CCDC73: variants seen among roughly 807,000 people sequenced by gnomAD.
CCDC73 encodes the protein coiled-coil domain-containing protein 73.
CCDC73 carries 95 observed loss-of-function variants against 116.5 expected under a neutral mutation model. The observed-to-expected ratio is 0.82, with a 90% CI of 0.69 to 0.97. The LOEUF (loss-of-function observed/expected upper bound fraction) is 0.97, where lower values mean the gene tolerates loss of function less well. Among genes scored for constraint, CCDC73 ranks in the 50% least tolerant of loss-of-function variants. The probability of loss-of-function intolerance (pLI) is 0.00; values close to 1 mark genes in which losing one functional copy is unlikely to be tolerated. For synonymous variants in CCDC73, 398 were observed against 401.3 expected (o/e 0.99, Z 0.10); for missense variants, 1,066 against 1,206.8 (o/e 0.88, Z 1.73).
intron 1 of CCDC73, among the ~76,000 whole-genome samples, chr11:32,770,545 A>G (rs116289114): frequency 0.014 from 2,063 of 152,292 alleles, 40 homozygotes; most frequent in African/African-American, 0.048. Flanking sequence ...CTATGAAAAA[A>G]ATTCCACAAT....
chr11:32,645,914 T>C (rs1461810115), intron 12 of CCDC73, among the ~76,000 whole-genome samples: 1 of 152,204 alleles, frequency 6.6e-6, no homozygotes, highest in East Asian at 1.9e-4. Flanking sequence ...GGTGCATAAC[T>C]ATAAAACAGA....
chr11:32,797,285 C>G (rs1478805527), upstream of CCDC73, among the ~76,000 whole-genome samples: 1 of 152,136 alleles, frequency 6.6e-6, no homozygotes, highest in Admixed American at 6.6e-5. Context: ...GCACTCCAGC[C>G]AGGGTGACAG....
At chr11:32,678,882 C>CA (rs55859897) in intron 7 of CCDC73, among the ~76,000 whole-genome samples, 1,395 of 131,236 alleles carry the variant, frequency 0.011, 21 homozygotes, top group African/African-American at 0.03. Context: ...GGCTCCGTCA[C>CA]AAAAAAAAAA....
chr11:32,634,661 G>A (rs1855662191), intron 14 of CCDC73, among the ~76,000 whole-genome samples: 1 of 152,178 alleles, frequency 6.6e-6, no homozygotes, highest in Non-Finnish European at 1.5e-5. Context: ...CCTAGCTAGT[G>A]CATAAATTGA....
At chr11:32,789,260 G>C (rs563463719) in intron 1 of CCDC73, among the ~76,000 whole-genome samples, 1 of 152,140 alleles carries the variant, frequency 6.6e-6, no homozygotes, top group Non-Finnish European at 1.5e-5. Context: ...AAGGTGAAAG[G>C]GCCACAGTAC....
At chr11:32,637,571 A>C (rs533862329) in intron 13 of CCDC73, among the ~76,000 whole-genome samples, 2 of 151,456 alleles carry the variant, frequency 1.3e-5, no homozygotes, top group Non-Finnish European at 2.9e-5. Context: ...TACCTGTCTT[A>C]CCAGCTCCCT....
Position 32,700,783 on chromosome 11 carries a change from A to G in CCDC73, c.315+8T>C. 7.3e-7 allele frequency: 1 copy of G among 1,379,236 alleles called. No homozygotes were observed. The highest frequency in any genetic ancestry group is 9.8e-7 in the Non-Finnish European group (1 of 1,017,590). 85.4% of individuals were successfully genotyped at this position (1,379,236 alleles called of 1,614,324 possible). ...ATAGACAGAAAATTTTAAAAAAATT[A>G]TAAATACCTTTTCTTCTTCCAGGGC... On this transcript the variant is annotated splice_region_variant and intron_variant, in intron 5 of 17. Transcript: ENST00000335185.
intron 10 of CCDC73, among the ~76,000 whole-genome samples, 173 bp from the exon 11 acceptor site, chr11:32,654,210 A>G (rs369381764): frequency 5.7e-4 from 86 of 152,200 alleles, no homozygotes; most frequent in Middle Eastern, 6.8e-3. Context: ...GTCTCGCTCT[A>G]TCACCCAGTC....
At chr11:32,667,516 G>C (rs142294575) in intron 9 of CCDC73, among the ~76,000 whole-genome samples, 47 of 152,106 alleles carry the variant, frequency 3.1e-4, no homozygotes, top group African/African-American at 1.0e-3. Flanking sequence ...TTGGAAAAGC[G>C]CAGTATTAGG....
At chr11:32,636,198 TA>T (rs1278422419) in intron 13 of CCDC73, among the ~76,000 whole-genome samples, 2 of 152,132 alleles carry the variant, frequency 1.3e-5, no homozygotes, top group Admixed American at 6.5e-5. Context: ...TCTTGTCTCA[TA>T]AAAAAATTTA....
intron 7 of CCDC73, among the ~76,000 whole-genome samples, chr11:32,678,448 T>G (rs1354403850): frequency 6.6e-6 from 1 of 152,186 alleles, no homozygotes; most frequent in Non-Finnish European, 1.5e-5. Context: ...ATAAGGTTGC[T>G]GTGAGGATAA....
intron 9 of CCDC73, among the ~76,000 whole-genome samples, chr11:32,669,360 TA>T (rs1856016023): frequency 6.6e-6 from 1 of 152,160 alleles, no homozygotes. Context: ...TGTATATATT[TA>T]TGGGGTATAT....
At chr11:32,731,007 G>A (rs915429730) in intron 2 of CCDC73, among the ~76,000 whole-genome samples, 1 of 152,182 alleles carries the variant, frequency 6.6e-6, no homozygotes, top group African/African-American at 2.4e-5. Context: ...AAGGGTTTGG[G>A]GAATTCCCCT....
In CCDC73 at chr11:32,622,876, G is replaced by A. The variant is rs564639412; in HGVS notation, c.1186-6747C>T. Among the ~76,000 whole-genome samples, 4 of 151,516 alleles carry A rather than the reference G, an allele frequency of 2.6e-5. No homozygotes were observed. The East Asian group carries it at 5.8e-4, about 22-fold the overall frequency. On this transcript the variant is annotated intron_variant, in intron 14 of 17. Coordinates refer to ENST00000335185, the MANE Select transcript of CCDC73 (RefSeq NM_001008391.4). ...GGTAAAGAAAAAAAATCAGATGAAC[G>A]AAATATAATAGAAGAAAAGGAAAAG...
chr11:32,819,887 T>A, the CCDC73 span, among the ~76,000 whole-genome samples: 5 of 152,210 alleles, frequency 3.3e-5, no homozygotes, highest in African/African-American at 1.2e-4. Flanking sequence ...GAAGTTCATT[T>A]GATAACCTGT....
chr11:32,764,925 C>G (rs1248952511), intron 1 of CCDC73, among the ~76,000 whole-genome samples: 1 of 151,930 alleles, frequency 6.6e-6, no homozygotes, highest in Non-Finnish European at 1.5e-5. Context: ...GAAGATCTAC[C>G]AAGCAAATGG....
At chr11:32,643,798 T>C (rs1446956613) in intron 12 of CCDC73, among the ~76,000 whole-genome samples, 5 of 152,156 alleles carry the variant, frequency 3.3e-5, no homozygotes, top group Non-Finnish European at 4.4e-5. Context: ...ATAAATGCTG[T>C]ATACTTAGGC....
Position 32,675,905 on chromosome 11 carries a change from A to G in CCDC73, c.546T>C (p.His182=), listed in dbSNP as rs779018333. 4.4e-6 allele frequency: 7 copies of G among 1,600,628 alleles called. No homozygotes were observed. In the South Asian group the frequency reaches 4.5e-5, roughly 10 times the overall value. ...TGQFGLVKEN[H]EKLEQNVREA... is the part of the protein sequence containing the mutation. ...ACATACCATTTTGTTCTAACTTTTC[A>G]TGATTCTCTTTTACCAATCCAAATT... Residue 182 remains histidine, a synonymous_variant, in exon 8 of 18, where the codon CAT becomes CAC. Coordinates refer to ENST00000335185, the MANE Select transcript of CCDC73 (RefSeq NM_001008391.4).
At chr11:32,672,068 A>G (rs1242931701) in intron 9 of CCDC73, among the ~76,000 whole-genome samples, 2 of 152,204 alleles carry the variant, frequency 1.3e-5, no homozygotes, top group African/African-American at 4.8e-5. Flanking sequence ...TATAATAGGC[A>G]GGCCAGGCAT....
Sources: gnomAD v4.1 joint callset for allele counts (sites outside exome capture counted in the v4.1 genomes callset) on GRCh38, gnomAD v4.1.1 for gene constraint, MANE v1.5 for transcripts, NCBI Gene and HGNC (gene_info 2026-07-23, HGNC 2026-07-21) for gene names.